The following IL1RAPL1 variants were observed in gnomAD, a reference collection of about 807,000 sequenced individuals.
The protein encoded by IL1RAPL1 is interleukin-1 receptor accessory protein-like 1.
In IL1RAPL1, 3 loss-of-function variants were observed where a neutral mutation model predicts 48.4. That is an observed-to-expected ratio of 0.06 (90% CI 0.03 to 0.16). The LOEUF (loss-of-function observed/expected upper bound fraction) is 0.16. Among genes scored for constraint, IL1RAPL1 ranks in the 10% least tolerant of loss-of-function variants. The pLI is 1.00. For synonymous variants in IL1RAPL1, 185 were observed against 187.7 expected, an observed-to-expected ratio of 0.99 and a Z score of 0.12; for missense variants, 349 against 530.6, an observed-to-expected ratio of 0.66 and a Z score of 3.36.
chrX:29,759,412 A>G (rs1021104043), intron 6 of IL1RAPL1, among the ~76,000 whole-genome samples: 6 of 103,325 alleles, frequency 5.8e-5, no homozygotes, highest in Non-Finnish European at 1.0e-4. Flanking sequence ...AGCTACCTTC[A>G]TCTGTACCAT....
intron 5 of IL1RAPL1, among the ~76,000 whole-genome samples, chrX:29,576,231 A>T (rs932588887): frequency 7.2e-5 from 8 of 111,715 alleles, no homozygotes; most frequent in African/African-American, 2.6e-4. Flanking sequence ...GGGTCCTGTA[A>T]TCTTCTTTTT....
intron 6 of IL1RAPL1, among the ~76,000 whole-genome samples, chrX:29,815,696 T>C (rs1436366024): frequency 1.8e-5 from 2 of 110,943 alleles, no homozygotes; most frequent in African/African-American, 6.6e-5. Flanking sequence ...GCCTGTTAAG[T>C]ATGGTGTTGG....
Position 28,899,756 on chromosome X carries a change from A to G in IL1RAPL1, c.82+110331A>G, listed in dbSNP as rs375218484. 2.2e-4 allele frequency among the ~76,000 whole-genome samples: 24 copies of G among 111,559 alleles called. No individual in the cohort carries two copies. The South Asian group carries it at 8.8e-3, about 41-fold the overall frequency. On this transcript the variant is annotated intron_variant, in intron 2 of 10. Coordinates refer to ENST00000378993, the MANE Select transcript of IL1RAPL1 (RefSeq NM_014271.4). ...TCTTAGGTGTTCAGTTCTTAGTTCT[A>G]TCAGCTGTGGCTAGGGGTCTGGCTT...
At chrX:29,165,016 A>G (rs1462986508) in intron 2 of IL1RAPL1, among the ~76,000 whole-genome samples, 1 of 112,163 alleles carries the variant, frequency 8.9e-6, no homozygotes, top group Non-Finnish European at 1.9e-5. Flanking sequence ...TTACGTCTTC[A>G]GGATACATAG....
chrX:29,446,251 G>A (rs1380489950), intron 5 of IL1RAPL1, among the ~76,000 whole-genome samples: 1 of 111,726 alleles, frequency 9.0e-6, no homozygotes, highest in African/African-American at 3.2e-5. Flanking sequence ...TTGAAAAACT[G>A]TGAAATGTTG....
intron 1 of IL1RAPL1, among the ~76,000 whole-genome samples, chrX:28,656,747 C>A (rs1348808835): frequency 8.9e-6 from 1 of 111,864 alleles, no homozygotes; most frequent in Non-Finnish European, 1.9e-5. Flanking sequence ...GATTTTACGG[C>A]CGGGCGTGGT....
At chrX:29,918,560 T>C (rs955018720) in intron 7 of IL1RAPL1, among the ~76,000 whole-genome samples, 2 of 107,909 alleles carry the variant, frequency 1.9e-5, no homozygotes, top group Non-Finnish European at 3.8e-5. Context: ...GTACAGGGAC[T>C]CAAGCAAACA....
intron 5 of IL1RAPL1, among the ~76,000 whole-genome samples, chrX:29,562,131 T>A (rs1372539249): frequency 2.2e-5 from 2 of 92,820 alleles, no homozygotes; most frequent in African/African-American, 8.5e-5. Context: ...TCTATCTATC[T>A]ATCTATCTAT....
chrX:29,054,361 C>A (rs1281634728), intron 2 of IL1RAPL1, among the ~76,000 whole-genome samples: 2 of 111,470 alleles, frequency 1.8e-5, no homozygotes, highest in African/African-American at 6.5e-5. Flanking sequence ...ATCAGAGAGG[C>A]CTTTCTTGAC....
chrX:29,677,631 G>A (rs1025366794), intron 6 of IL1RAPL1, among the ~76,000 whole-genome samples: 1 of 111,452 alleles, frequency 9.0e-6, no homozygotes, highest in Non-Finnish European at 1.9e-5. Context: ...ACTGCAAGTT[G>A]CATCTCCAAC....
Position 29,508,438 on chromosome X carries a change from A to G in IL1RAPL1, c.703+109130A>G, listed in dbSNP as rs142673085. Among the ~76,000 whole-genome samples the G allele has an allele frequency of 3.7e-3, 420 of 112,050 alleles. 1 individual carries two copies. The highest frequency in any genetic ancestry group is 0.013 in the African/African-American group (398 of 30,903). ...ATGAAAATAATTATTTTTGTAAGATATTTTCTAAAATGTGATTGGTTTATA... is the reference window on the plus strand; with the variant it reads ...ATGAAAATAATTATTTTTGTAAGATGTTTTCTAAAATGTGATTGGTTTATA... On this transcript the variant is annotated intron_variant, in intron 5 of 10. Coordinates refer to ENST00000378993, the MANE Select transcript of IL1RAPL1 (RefSeq NM_014271.4).
intron 6 of IL1RAPL1, among the ~76,000 whole-genome samples, chrX:29,905,511 TC>T (rs1932591289): frequency 7.7e-5 from 2 of 26,077 alleles, no homozygotes; most frequent in East Asian, 1.0e-3. Context: ...AACATTTAAG[TC>T]TTTCTTTAAT....
chrX:29,424,040 G>A (rs1385066134), intron 5 of IL1RAPL1, among the ~76,000 whole-genome samples: 1 of 111,487 alleles, frequency 9.0e-6, no homozygotes, highest in African/African-American at 3.3e-5. Context: ...ACACAATAGG[G>A]TGCAAGATGA....
At chrX:29,545,225 ATCTATCTATCT>A (rs1489965224) in intron 5 of IL1RAPL1, among the ~76,000 whole-genome samples, 17 of 108,793 alleles carry the variant, frequency 1.6e-4, no homozygotes, top group African/African-American at 5.1e-4. Flanking sequence ...CTATCTATCT[ATCTATCTATCT>A]ATCTATTGGA....
chrX:29,486,722 A>C (rs773744967), intron 5 of IL1RAPL1, among the ~76,000 whole-genome samples: 1 of 110,002 alleles, frequency 9.1e-6, no homozygotes, highest in South Asian at 4.0e-4. Context: ...AAGTTCTCAG[A>C]CATCACAGGG....
chrX:29,336,267 G>C (rs1314706364), intron 3 of IL1RAPL1, among the ~76,000 whole-genome samples: 1 of 8,795 alleles, frequency 1.1e-4, no homozygotes, highest in Non-Finnish European at 2.6e-4. Flanking sequence ...ACATATATAT[G>C]CCATATATAT....
chrX:28,783,051 G>T (rs1936439700), intron 1 of IL1RAPL1, among the ~76,000 whole-genome samples: 1 of 111,156 alleles, frequency 9.0e-6, no homozygotes, highest in South Asian at 3.8e-4. Context: ...AGGACATCTT[G>T]AGAGTCAAAC....
intron 1 of IL1RAPL1, among the ~76,000 whole-genome samples, chrX:28,662,020 G>C (rs898221368): frequency 9.0e-6 from 1 of 111,487 alleles, no homozygotes; most frequent in Non-Finnish European, 1.9e-5. Flanking sequence ...TGATGATCAA[G>C]ACAGTTCTGT....
chrX:28,758,810 C>T (rs755840526), intron 1 of IL1RAPL1, among the ~76,000 whole-genome samples: 155 of 111,970 alleles, frequency 1.4e-3, no homozygotes, highest in Admixed American at 2.8e-3. Context: ...TTTGGAGGCA[C>T]CCACCAAAAA....
Sources: allele counts gnomAD v4.1 joint callset (sites outside exome capture counted in the v4.1 genomes callset), GRCh38; gene constraint gnomAD v4.1.1; transcripts MANE v1.5; gene names NCBI Gene and HGNC (gene_info 2026-07-23, HGNC 2026-07-21).